Variants in GALNT13 observed in about 807,000 individuals in gnomAD.
The protein encoded by GALNT13 is polypeptide N-acetylgalactosaminyltransferase 13.
A neutral mutation model predicts 64.2 loss-of-function variants in GALNT13; 28 were observed. The ratio of observed to expected loss-of-function variants is 0.44; its 90% CI spans 0.32 to 0.60. GALNT13 has a LOEUF of 0.60. Ranked by LOEUF, GALNT13 falls within the 20% of genes least tolerant of loss-of-function variation. GALNT13 has a pLI of 0.05. For missense variants in GALNT13, 577 were observed against 669.8 expected (o/e 0.86, Z 1.53); for synonymous variants, 214 against 224.6 (o/e 0.95, Z 0.42).
chr2:154,090,024 G>T (rs1405166091), intron 3 of GALNT13, among the ~76,000 whole-genome samples: 1 of 152,020 alleles, frequency 6.6e-6, no homozygotes, highest in African/African-American at 2.4e-5. Context: ...ACTTTGTCAT[G>T]AGTGTGCCTT....
At chr2:153,848,909 TAAAACTCTTCCAGAGAATAG>T in the GALNT13 span, among the ~76,000 whole-genome samples, 37 of 151,656 alleles carry the variant, frequency 2.4e-4, no homozygotes, top group Non-Finnish European at 5.0e-4. Context: ...CACTAACATT[TAAAACTCTTCCAGAGAATAG>T]AAAATTATTT....
chr2:153,361,325 A>C, the GALNT13 span, among the ~76,000 whole-genome samples: 1 of 152,122 alleles, frequency 6.6e-6, no homozygotes, highest in African/African-American at 2.4e-5. Context: ...AAATGATCAC[A>C]ACACCTCTCC....
the GALNT13 span, among the ~76,000 whole-genome samples, chr2:153,500,118 T>C: frequency 6.6e-6 from 1 of 152,238 alleles, no homozygotes; most frequent in South Asian, 2.1e-4. Context: ...GTCATTAAGA[T>C]AGGGATGATG....
chr2:153,966,908 A>G (rs1178175328), intron 3 of GALNT13, among the ~76,000 whole-genome samples: 1 of 151,774 alleles, frequency 6.6e-6, no homozygotes, highest in Non-Finnish European at 1.5e-5. Context: ...TTGTGGGATT[A>G]GTTCATTCTT....
the GALNT13 span, among the ~76,000 whole-genome samples, chr2:153,730,996 C>T: frequency 6.6e-6 from 1 of 151,654 alleles, no homozygotes; most frequent in Non-Finnish European, 1.5e-5. Context: ...CAGTACTATT[C>T]TCAATAGCAA....
intron 3 of GALNT13, among the ~76,000 whole-genome samples, chr2:154,091,189 A>G (rs1189410438): frequency 1.3e-5 from 2 of 152,022 alleles, no homozygotes; most frequent in Non-Finnish European, 1.5e-5. Flanking sequence ...GAAGATCTCC[A>G]TTTGGGAGTG....
chr2:154,000,713 G>A (rs1435038767), intron 3 of GALNT13, among the ~76,000 whole-genome samples: 1 of 151,914 alleles, frequency 6.6e-6, no homozygotes, highest in South Asian at 2.1e-4. Context: ...CCTAAAGTAT[G>A]GTCTATACTG....
the GALNT13 span, among the ~76,000 whole-genome samples, chr2:153,758,732 A>T: frequency 6.6e-6 from 1 of 152,024 alleles, no homozygotes; most frequent in South Asian, 2.1e-4. Context: ...AGCTGGGATT[A>T]CAGGCCTGTG....
At chr2:153,871,647 T>C (rs1337574524), upstream of GALNT13, among the ~76,000 whole-genome samples, 2 of 152,164 alleles carry the variant, frequency 1.3e-5, no homozygotes, top group Non-Finnish European at 2.9e-5. Context: ...AGGGTTGCTC[T>C]TGGGGGCCGT....
At chr2:154,345,126 G>A (rs1695996330) in intron 9 of GALNT13, among the ~76,000 whole-genome samples, 1 of 151,926 alleles carries the variant, frequency 6.6e-6, no homozygotes, top group Non-Finnish European at 1.5e-5. Context: ...CCTAAATAAG[G>A]CTTTGAAAAA....
the GALNT13 span, among the ~76,000 whole-genome samples, chr2:153,408,126 A>G: frequency 7.9e-5 from 12 of 152,196 alleles, no homozygotes; most frequent in Non-Finnish European, 1.8e-4. Context: ...GAGAGCAACT[A>G]TAGAATATAG....
chr2:153,638,095 A>T, the GALNT13 span, among the ~76,000 whole-genome samples: 1 of 151,198 alleles, frequency 6.6e-6, no homozygotes, highest in Non-Finnish European at 1.5e-5. Context: ...GCATTCCAAG[A>T]AGAGGGAGGG....
At chr2:153,859,252 T>G in the GALNT13 span, among the ~76,000 whole-genome samples, 4 of 152,316 alleles carry the variant, frequency 2.6e-5, no homozygotes, top group African/African-American at 9.6e-5. Context: ...ATATATAGTA[T>G]CCTAATAAAT....
the GALNT13 span, among the ~76,000 whole-genome samples, chr2:153,546,229 A>C: frequency 6.6e-6 from 1 of 152,230 alleles, no homozygotes; most frequent in African/African-American, 2.4e-5. Flanking sequence ...TAAAATTGAT[A>C]AGTAATTATT....
At chr2:153,569,869 C>G in the GALNT13 span, among the ~76,000 whole-genome samples, 2 of 152,142 alleles carry the variant, frequency 1.3e-5, no homozygotes, top group South Asian at 4.1e-4. Flanking sequence ...GCACTCTCTA[C>G]GTCCTTCTGC....
At chr2:153,357,255 G>A in the GALNT13 span, 1 of 152,076 alleles carries the variant, frequency 6.6e-6, no homozygotes, top group African/African-American at 2.4e-5. Context: ...TCTTGACTCA[G>A]AATTGGGAAC....
intron 4 of GALNT13, among the ~76,000 whole-genome samples, chr2:154,239,709 T>C (rs1689378788): frequency 6.6e-6 from 1 of 152,202 alleles, no homozygotes; most frequent in East Asian, 1.9e-4. Flanking sequence ...CAGTATCTTT[T>C]GTATTATAGA....
intron 3 of GALNT13, among the ~76,000 whole-genome samples, chr2:154,134,651 A>G (rs897160206): frequency 1.3e-5 from 2 of 152,222 alleles, no homozygotes; most frequent in Non-Finnish European, 2.9e-5. Context: ...ATGGATTCAC[A>G]TATTTATTTG....
intron 4 of GALNT13, among the ~76,000 whole-genome samples, chr2:154,141,302 A>G (rs1304117573): frequency 3.3e-5 from 5 of 152,108 alleles, no homozygotes; most frequent in African/African-American, 1.2e-4. Flanking sequence ...TAATGAATTA[A>G]CCTTACATTA....
Sources: allele counts gnomAD v4.1 joint callset (sites outside exome capture counted in the v4.1 genomes callset), GRCh38; gene constraint gnomAD v4.1.1; transcripts MANE v1.5; gene names NCBI Gene and HGNC (gene_info 2026-07-23, HGNC 2026-07-21).